POTEC: variants seen among roughly 807,000 people sequenced by gnomAD.
POTEC encodes POTE ankyrin domain family member C.
In POTEC, 35 loss-of-function variants were observed where a neutral mutation model predicts 62.0. The observed-to-expected ratio is 0.56, with a 90% CI of 0.43 to 0.75. The LOEUF (loss-of-function observed/expected upper bound fraction) is 0.75. POTEC is among the 30% of genes least tolerant of loss of function. The pLI is 0.00. For missense variants in POTEC, 472 were observed against 655.9 expected, an observed-to-expected ratio of 0.72 and a Z score of 3.06; for synonymous variants, 156 against 221.5, an observed-to-expected ratio of 0.70 and a Z score of 2.62.
At chr18:14,516,654 C>A in intron 9 of POTEC, among the ~76,000 whole-genome samples, 1 of 49,664 alleles carries the variant, frequency 2.0e-5, no homozygotes, top group African/African-American at 5.4e-5. Flanking sequence ...AAACACAAAG[C>A]CAAACTACTG....
At chr18:14,524,022 AAC>A (rs1910375119) in intron 7 of POTEC, among the ~76,000 whole-genome samples, 1 of 152,166 alleles carries the variant, frequency 6.6e-6, no homozygotes, top group African/African-American at 2.4e-5. Context: ...AGCTGAAATC[AAC>A]ACCAAACAGA....
chr18:14,543,412 G>A lies in POTEC; in HGVS notation c.-266C>T, dbSNP rs941036046. The A allele has an allele frequency of 6.6e-6, 4 of 607,792 alleles. No homozygotes were observed. Among genetic ancestry groups the A allele is most frequent in the Admixed American group, 6.1e-5 (2 of 32,684 alleles). The allele number at this position is 607,792 out of a possible 1,614,324, so 37.6% of individuals were successfully genotyped here. On this transcript the variant is annotated 5_prime_UTR_variant, in exon 1 of 11. Transcript: ENST00000358970. Reference sequence around the variant, plus strand: ...GCCCCCCCTCCCAAGGAAACACCCAGCCCAGTCAAGGGAATGCCAAACCCA... The same window carrying A: ...GCCCCCCCTCCCAAGGAAACACCCAACCCAGTCAAGGGAATGCCAAACCCA...
chr18:14,514,835 G>T (rs1038358954), intron 9 of POTEC, among the ~76,000 whole-genome samples: 1 of 151,888 alleles, frequency 6.6e-6, no homozygotes, highest in Non-Finnish European at 1.5e-5. Flanking sequence ...TCCTAGATTT[G>T]ATAAATGAAT....
At chr18:14,529,814 A>T (rs1282377505) in intron 6 of POTEC, among the ~76,000 whole-genome samples, 1 of 152,050 alleles carries the variant, frequency 6.6e-6, no homozygotes, top group African/African-American at 2.4e-5. Flanking sequence ...AGTCAGTAAG[A>T]GTGAGACCTT....
chr18:14,537,220 A>G, intron 3 of POTEC, among the ~76,000 whole-genome samples: 1 of 119,444 alleles, frequency 8.4e-6, no homozygotes, highest in South Asian at 2.9e-4. Context: ...CAAAAAAAAA[A>G]AAAAACAAAA....
In POTEC at chr18:14,528,270, C is replaced by T. The variant is rs187310290; in HGVS notation, c.1126+2213G>A. Among the ~76,000 whole-genome samples the T allele has an allele frequency of 3.1e-3, 465 of 152,314 alleles. 3 individuals carry two copies. The highest frequency in any genetic ancestry group is 0.011 in the African/African-American group (438 of 41,584). The stretch of plus-strand genomic sequence containing the variant: ...CTCAAATTTCTCCAATGAGCCCCTG[C>T]AGCACACATTGTTGGCTCCCTATCA... On this transcript the variant is annotated intron_variant, in intron 6 of 10. Coordinates refer to ENST00000358970, the MANE Select transcript of POTEC (RefSeq NM_001137671.2).
At chr18:14,539,256 C>T (rs1244065274) in intron 1 of POTEC, among the ~76,000 whole-genome samples, 2 of 151,704 alleles carry the variant, frequency 1.3e-5, no homozygotes, top group Non-Finnish European at 1.5e-5. Flanking sequence ...ATTTATGAAA[C>T]TATTTGTGGA....
chr18:14,537,997 A>G (rs766712031), intron 2 of POTEC, 23 bp from the exon 3 acceptor site: 37 of 1,598,830 alleles, frequency 2.3e-5, no homozygotes, highest in Admixed American at 7.0e-5. Flanking sequence ...GACCAAAAAC[A>G]AATTATTAAG....
chr18:14,512,513 T>C (rs549585960), intron 10 of POTEC, among the ~76,000 whole-genome samples: 16 of 152,260 alleles, frequency 1.1e-4, no homozygotes, highest in Non-Finnish European at 1.8e-4. Flanking sequence ...AATCTAAGCA[T>C]TGTACCCTTC....
Position 14,538,791 on chromosome 18 carries a change from T to C in POTEC, c.522-542A>G, listed in dbSNP as rs557975828. 1.2e-4 allele frequency among the ~76,000 whole-genome samples: 19 copies of C among 152,314 alleles called. No individual in the cohort carries two copies. The South Asian group carries it at 3.9e-3, about 32-fold the overall frequency. On this transcript the variant is annotated intron_variant, in intron 1 of 10. Transcript: ENST00000358970. ...TAGCGCTGTACTGTATTTTATTGAGTCTAAGATGGTCATTGTCTCCATGTT... is the reference window on the plus strand; with the variant it reads ...TAGCGCTGTACTGTATTTTATTGAGCCTAAGATGGTCATTGTCTCCATGTT...
In POTEC at chr18:14,538,241, A is replaced by G. The variant is rs542736645; in HGVS notation, c.530T>C (p.Leu177Pro). Residue 177 changes from leucine (L) to proline (P), a missense_variant, in exon 2 of 11, where the codon CTA (leucine) becomes CCA (proline). Coordinates refer to ENST00000358970, the MANE Select transcript of POTEC (RefSeq NM_001137671.2). ...NKRDKQKRTA[L>P]HLASANGNSE... ...ATTTCCATTGGCAGAGGCCAAATGT[A>G]GAGCAGTCCTATGAGAGTGAGAAGA... is the stretch of plus-strand genomic sequence containing the variant. The G allele has an allele frequency of 4.1e-5, 66 of 1,608,476 alleles. No homozygotes were observed. In the East Asian group the frequency reaches 9.8e-4, roughly 24 times the overall value.
intron 9 of POTEC, among the ~76,000 whole-genome samples, chr18:14,521,133 C>A (rs1598478154): frequency 6.6e-6 from 1 of 152,184 alleles, no homozygotes; most frequent in East Asian, 1.9e-4. Flanking sequence ...AAATATAGAT[C>A]CCCATGTACA....
chr18:14,530,703 A>C (rs1905482064), intron 5 of POTEC, 150 bp from the exon 6 acceptor site: 1 of 953,666 alleles, frequency 1.0e-6, no homozygotes, highest in African/African-American at 1.7e-5. Flanking sequence ...TACATTCTAC[A>C]AACTTTTCTT....
intron 3 of POTEC, among the ~76,000 whole-genome samples, chr18:14,537,197 A>G (rs1346008602): frequency 2.4e-5 from 2 of 84,650 alleles, no homozygotes; most frequent in African/African-American, 1.5e-4. Flanking sequence ...ACACACACAC[A>G]CACACACACA....
chr18:14,542,986 A>G lies in POTEC; in HGVS notation c.161T>C (p.Met54Thr). Residue 54 changes from methionine (M) to threonine (T), a missense_variant, in exon 1 of 11, where the codon ATG becomes ACG. Physicochemically the swap from Met to Thr is moderately conservative, Grantham distance 81. Transcript: ENST00000358970. Reference protein sequence around the residue: ...GTSGDHDDSFMKMLRSKMGKC... With the variant: ...GTSGDHDDSFTKMLRSKMGKC... ...GCCCATCTTGCTCCTGAGCATCTTC[A>G]TAAAGGAGTCGTCGTGGTCTCCAGA... The G allele has an allele frequency of 1.3e-6, 2 of 1,578,758 alleles. No homozygotes were observed. Among genetic ancestry groups the G allele is most frequent in the Non-Finnish European group, 1.7e-6 (2 of 1,159,514 alleles).
intron 10 of POTEC, among the ~76,000 whole-genome samples, chr18:14,513,082 A>G (rs2143105842): frequency 6.6e-6 from 1 of 152,308 alleles, no homozygotes; most frequent in East Asian, 1.9e-4. Context: ...TGGGAACAAA[A>G]TACTTATCAA....
At position 14,507,675 on chromosome 18, in the gene POTEC, C is replaced by T. The variant is rs981611342; in HGVS notation, c.*4223G>A. On this transcript the variant is annotated 3_prime_UTR_variant, in exon 11 of 11. Coordinates refer to ENST00000358970, the MANE Select transcript of POTEC (RefSeq NM_001137671.2). ...TGTATGTGGTTGGTTTTTAGCATCA[C>T]TTGTCTGTGTACTTCAGTGTGTTTT... is the stretch of plus-strand genomic sequence containing the variant. 1.3e-5 allele frequency: 2 copies of T among 152,146 alleles called. No individual in the cohort carries two copies. Among genetic ancestry groups the T allele is most frequent in the Non-Finnish European group, 2.9e-5 (2 of 68,050 alleles). The allele number at this position is 152,146 out of a possible 1,614,324, so 9.4% of individuals were successfully genotyped here.
chr18:14,512,796 C>T (rs539881276), intron 10 of POTEC, among the ~76,000 whole-genome samples: 10 of 149,062 alleles, frequency 6.7e-5, no homozygotes, highest in African/African-American at 1.5e-4. Context: ...CACACACACA[C>T]GTATATATGC....
rs926917865 is a variant in POTEC, at chr18:14,509,439, T to C, written c.*2459A>G. The C allele has an allele frequency of 5.3e-5, 8 of 151,828 alleles. No homozygotes were observed. The highest frequency in any genetic ancestry group is 1.2e-4 in the Non-Finnish European group (8 of 67,942). 9.4% of individuals were successfully genotyped at this position (151,828 alleles called of 1,614,324 possible). A position where few individuals can be genotyped will look rare whatever the true frequency, so the allele number is the denominator to read the frequency against. On this transcript the variant is annotated 3_prime_UTR_variant, in exon 11 of 11. Transcript: ENST00000358970. ...ACCATGGCTTCATCTTCAGTGGCAG[T>C]TGGTGTGGGTTGGGGTGTGTGCTGC...
Sources: allele counts gnomAD v4.1 joint callset (sites outside exome capture counted in the v4.1 genomes callset), GRCh38; gene constraint gnomAD v4.1.1; transcripts MANE v1.5; gene names NCBI Gene and HGNC (gene_info 2026-07-23, HGNC 2026-07-21).